The following C1orf185 variants were observed in gnomAD, a reference collection of about 807,000 sequenced individuals.
C1orf185 encodes the protein uncharacterized protein C1orf185.
C1orf185 carries 13 observed loss-of-function variants against 16.1 expected under a neutral mutation model. That is an observed-to-expected ratio of 0.81 (90% CI 0.53 to 1.28). The LOEUF is 1.28. Among genes scored for constraint, C1orf185 ranks in the 50% most tolerant of loss-of-function variants. The pLI is 0.00. For synonymous variants in C1orf185, 80 were observed against 76.9 expected (o/e 1.04, Z -0.21); for missense variants, 220 against 225.2 (o/e 0.98, Z 0.15).
chr1:51,138,411 G>A (rs1435347770), intron 3 of C1orf185, among the ~76,000 whole-genome samples: 3 of 152,064 alleles, frequency 2.0e-5, no homozygotes, highest in Admixed American at 2.0e-4. Context: ...TGTTTGTTTT[G>A]AGACAGAGTC....
At chr1:51,135,390 T>C (rs1463154597) in intron 3 of C1orf185, among the ~76,000 whole-genome samples, 1 of 151,938 alleles carries the variant, frequency 6.6e-6, no homozygotes, top group African/African-American at 2.4e-5. Flanking sequence ...AAATACAAAA[T>C]TAGCCGGGCG....
chr1:51,114,968 A>C (rs1002063767), intron 2 of C1orf185, among the ~76,000 whole-genome samples: 59 of 152,252 alleles, frequency 3.9e-4, no homozygotes, highest in African/African-American at 1.3e-3. Context: ...GGAAAGATTT[A>C]TTCAGGTTTC....
Position 51,119,290 on chromosome 1 carries a change from C to T in C1orf185, c.258+489C>T, listed in dbSNP as rs76280923. 2.8e-3 allele frequency among the ~76,000 whole-genome samples: 429 copies of T among 152,254 alleles called. 1 individual carries two copies. Among genetic ancestry groups the T allele is most frequent in the Non-Finnish European group, 4.5e-3 (309 of 68,024 alleles). On this transcript the variant is annotated intron_variant, in intron 3 of 4. Coordinates refer to ENST00000371759, the MANE Select transcript of C1orf185 (RefSeq NM_001136508.2). The stretch of plus-strand genomic sequence containing the variant: ...GTGTAGTACAAGTGAGAAAGGCAGA[C>T]ACCTAATTAAATTTGTGTGATATGG...
In C1orf185 at chr1:51,112,747, AAAG is replaced by A. The variant is rs561432618; in HGVS notation, c.122+182_122+184del. Among the ~76,000 whole-genome samples, 596 of 152,248 alleles carry A rather than the reference AAAG, an allele frequency of 3.9e-3. 3 individuals carry two copies. Among genetic ancestry groups the A allele is most frequent in the African/African-American group, 0.014 (561 of 41,554 alleles). On this transcript the variant is annotated intron_variant, in intron 2 of 4. Coordinates refer to ENST00000371759, the MANE Select transcript of C1orf185 (RefSeq NM_001136508.2). ...TTTACATTTTTTAAGTAGCCTGAAA[AAAG>A]AAGTACTGGTGATAGGAATGTTCAT... is the stretch of plus-strand genomic sequence containing the variant.
chr1:51,128,033 G>A (rs771270545), intron 3 of C1orf185, among the ~76,000 whole-genome samples: 2 of 151,808 alleles, frequency 1.3e-5, no homozygotes, highest in African/African-American at 2.4e-5. Flanking sequence ...GACTATAGGC[G>A]CGTGCCACCA....
At chr1:51,110,771 C>T (rs1469937857) in intron 1 of C1orf185, among the ~76,000 whole-genome samples, 1 of 152,028 alleles carries the variant, frequency 6.6e-6, no homozygotes, top group Non-Finnish European at 1.5e-5. Flanking sequence ...GAGTTAGAGA[C>T]CAGCGTGGCC....
chr1:51,130,031 CATT>C (rs1257620579), intron 3 of C1orf185, among the ~76,000 whole-genome samples: 1 of 152,032 alleles, frequency 6.6e-6, no homozygotes, highest in African/African-American at 2.4e-5. Context: ...AGTAGTATAA[CATT>C]GTGTGTTATA....
chr1:51,112,144 A>T (rs1646126306), intron 1 of C1orf185, among the ~76,000 whole-genome samples: 1 of 152,174 alleles, frequency 6.6e-6, no homozygotes, highest in Non-Finnish European at 1.5e-5. Flanking sequence ...GGAAAAAAAA[A>T]AAAGCTAGAC....
At chr1:51,102,463 A>C (rs968373896) in intron 1 of C1orf185, 2 of 386,284 alleles carry the variant, frequency 5.2e-6, no homozygotes, top group Non-Finnish European at 9.4e-6. Context: ...TTTAACGGAT[A>C]CTGTTCATAT....
chr1:51,112,566 G>A lies in C1orf185; in HGVS notation c.119G>A (p.Arg40Gln), dbSNP rs754923183. 50 of 1,542,732 alleles carry A rather than the reference G, an allele frequency of 3.2e-5. No individual in the cohort carries two copies. Among genetic ancestry groups the A allele is most frequent in the South Asian group, 2.3e-4 (19 of 82,052 alleles). The change falls in exon 2 of 5, where the codon CGA (arginine) becomes CAA (glutamine). Residue 40 changes from arginine to glutamine, a missense_variant. Coordinates refer to ENST00000371759, the MANE Select transcript of C1orf185 (RefSeq NM_001136508.2). Reference protein sequence around the residue: ...ASALWFLICKRREIFQNSKFK... With the variant: ...ASALWFLICKQREIFQNSKFK... Reference sequence around the variant, plus strand: ...GCTTTGTGGTTCCTGATTTGCAAACGAAGGTAAGGATTATTCGAATATTTC... The same window carrying A: ...GCTTTGTGGTTCCTGATTTGCAAACAAAGGTAAGGATTATTCGAATATTTC...
intron 3 of C1orf185, among the ~76,000 whole-genome samples, chr1:51,125,069 G>C (rs1646230571): frequency 6.6e-6 from 1 of 152,182 alleles, no homozygotes; most frequent in Non-Finnish European, 1.5e-5. Context: ...TTACCCAAAG[G>C]GCCCAACGGG....
intron 3 of C1orf185, among the ~76,000 whole-genome samples, chr1:51,143,875 C>A (rs924732837): frequency 1.3e-5 from 2 of 152,188 alleles, no homozygotes; most frequent in Non-Finnish European, 2.9e-5. Flanking sequence ...GTTGCCCAGG[C>A]TGGTCTCTAA....
In C1orf185 at chr1:51,131,193, A is replaced by G. The variant is rs184803848; in HGVS notation, c.258+12392A>G. Among the ~76,000 whole-genome samples the G allele has an allele frequency of 3.6e-3, 546 of 152,308 alleles. 1 individual carries two copies. Among genetic ancestry groups the G allele is most frequent in the Non-Finnish European group, 4.4e-3 (300 of 68,026 alleles). ...GCTGGGATTACAGGTGTAAGCCACT[A>G]TGCCCAGCCGTTAATTGTTTTGTAT... On this transcript the variant is annotated intron_variant, in intron 3 of 4. Coordinates refer to ENST00000371759, the MANE Select transcript of C1orf185 (RefSeq NM_001136508.2).
At chr1:51,141,072 T>G (rs1007160823) in intron 3 of C1orf185, among the ~76,000 whole-genome samples, 1 of 152,200 alleles carries the variant, frequency 6.6e-6, no homozygotes, top group Non-Finnish European at 1.5e-5. Flanking sequence ...AATTATTGTA[T>G]CTCAGTAAGG....
At chr1:51,106,202 T>C (rs555967674) in intron 1 of C1orf185, among the ~76,000 whole-genome samples, 46 of 152,254 alleles carry the variant, frequency 3.0e-4, no homozygotes, top group Admixed American at 1.0e-3. Context: ...AGGAATTATA[T>C]ATGAAAATTT....
intron 3 of C1orf185, 95 bp from the exon 4 acceptor site, chr1:51,145,629 A>G: frequency 1.7e-6 from 1 of 583,336 alleles, no homozygotes; most frequent in Non-Finnish European, 2.7e-6. Context: ...AAAAAATTAT[A>G]ATGTTAAACT....
At chr1:51,126,192 G>A (rs1328435242) in intron 3 of C1orf185, among the ~76,000 whole-genome samples, 1 of 152,168 alleles carries the variant, frequency 6.6e-6, no homozygotes, top group Non-Finnish European at 1.5e-5. Context: ...GAGAAACTCA[G>A]TATTTTGTTA....
At chr1:51,127,885 GTT>G (rs769457494) in intron 3 of C1orf185, among the ~76,000 whole-genome samples, 666 of 115,288 alleles carry the variant, frequency 5.8e-3, no homozygotes, top group Non-Finnish European at 9.1e-3. Flanking sequence ...TCTTTTCTTT[GTT>G]TTTTTTTTTT....
rs1368342306 is a variant in C1orf185 at position 51,112,561 on chromosome 1, C to T, written c.114C>T (p.Cys38=). ...ALASALWFLI[C]KRREIFQNSK... is the part of the protein sequence containing the mutation. ...CATCAGCTTTGTGGTTCCTGATTTGCAAACGAAGGTAAGGATTATTCGAAT... is the reference window on the plus strand; with the variant it reads ...CATCAGCTTTGTGGTTCCTGATTTGTAAACGAAGGTAAGGATTATTCGAAT... The change falls in exon 2 of 5, where the codon TGC becomes TGT. Residue 38 remains cysteine (C), a synonymous_variant. Coordinates refer to ENST00000371759, the MANE Select transcript of C1orf185 (RefSeq NM_001136508.2). 1 of 1,545,746 alleles carries T rather than the reference C, an allele frequency of 6.5e-7. No homozygotes were observed. Among genetic ancestry groups the T allele is most frequent in the East Asian group, 2.5e-5 (1 of 40,814 alleles).
Sources: allele counts gnomAD v4.1 joint callset (sites outside exome capture counted in the v4.1 genomes callset), GRCh38; gene constraint gnomAD v4.1.1; transcripts MANE v1.5; gene names NCBI Gene and HGNC (gene_info 2026-07-23, HGNC 2026-07-21).